Variants in NAPEPLD observed in about 807,000 individuals in gnomAD.
The protein encoded by NAPEPLD is N-acyl-phosphatidylethanolamine-hydrolyzing phospholipase D.
A neutral mutation model predicts 38.1 loss-of-function variants in NAPEPLD; 23 were observed. The ratio of observed to expected loss-of-function variants is 0.60; its 90% CI spans 0.43 to 0.86. NAPEPLD has a LOEUF of 0.86. Ranked by LOEUF, NAPEPLD falls within the 40% of genes least tolerant of loss-of-function variation. NAPEPLD has a pLI of 0.00. For missense variants in NAPEPLD, 411 were observed against 476.8 expected (o/e 0.86, Z 1.28); for synonymous variants, 147 against 162.0 (o/e 0.91, Z 0.71).
intron 4 of NAPEPLD, among the ~76,000 whole-genome samples, chr7:103,106,611 TCA>T (rs1803415713): frequency 6.6e-6 from 1 of 151,836 alleles, no homozygotes; most frequent in East Asian, 1.9e-4. Flanking sequence ...AGTTTTCCCC[TCA>T]CAGTGTAAAC....
At chr7:103,140,481 C>T (rs948017400) in intron 1 of NAPEPLD, among the ~76,000 whole-genome samples, 1 of 150,382 alleles carries the variant, frequency 6.6e-6, no homozygotes, top group African/African-American at 2.5e-5. Flanking sequence ...CAAGCTCCGC[C>T]TCCCGGGTTC....
intron 1 of NAPEPLD, among the ~76,000 whole-genome samples, chr7:103,144,996 G>C (rs1028268767): frequency 4.6e-5 from 7 of 151,588 alleles, no homozygotes; most frequent in African/African-American, 1.7e-4. Context: ...GGGCAACACA[G>C]CAAGACTCTT....
chr7:103,129,288 T>C, intron 1 of NAPEPLD: 3 of 983,086 alleles, frequency 3.1e-6, no homozygotes, highest in Non-Finnish European at 3.6e-6. Flanking sequence ...GCTTTACCTA[T>C]TAACATAACT....
At chr7:103,142,417 C>A (rs1482849535) in intron 1 of NAPEPLD, among the ~76,000 whole-genome samples, 1 of 151,916 alleles carries the variant, frequency 6.6e-6, no homozygotes, top group African/African-American at 2.4e-5. Flanking sequence ...ACCAGCCTGG[C>A]CAACATGGTG....
intron 4 of NAPEPLD, among the ~76,000 whole-genome samples, chr7:103,105,452 C>T (rs1382344948): frequency 6.6e-6 from 1 of 152,146 alleles, no homozygotes; most frequent in Non-Finnish European, 1.5e-5. Flanking sequence ...GCTTGAAACT[C>T]GTTTCCATCA....
intron 4 of NAPEPLD, among the ~76,000 whole-genome samples, chr7:103,112,924 CGGTTA>C (rs1563348970): frequency 6.6e-6 from 1 of 152,026 alleles, no homozygotes; most frequent in African/African-American, 2.4e-5. Context: ...ATAAAGATGG[CGGTTA>C]GGTTTATAAC....
At chr7:103,133,984 G>T (rs147562011) in intron 1 of NAPEPLD, among the ~76,000 whole-genome samples, 5 of 152,294 alleles carry the variant, frequency 3.3e-5, no homozygotes, top group African/African-American at 1.2e-4. Context: ...AAAATACCAT[G>T]AATTGTAAGG....
chr7:103,115,902 G>T (rs1805464542), intron 3 of NAPEPLD, among the ~76,000 whole-genome samples: 1 of 152,108 alleles, frequency 6.6e-6, no homozygotes, highest in Admixed American at 6.5e-5. Context: ...GTAACTTCTT[G>T]GTCATTGCCA....
chr7:103,132,465 A>G (rs1809141715), intron 1 of NAPEPLD, among the ~76,000 whole-genome samples: 1 of 152,102 alleles, frequency 6.6e-6, no homozygotes, highest in Non-Finnish European at 1.5e-5. Flanking sequence ...GAAGAGTCAG[A>G]AATGGCAGCA....
In NAPEPLD at chr7:103,115,191, A is replaced by G. The variant is rs775992761; in HGVS notation, c.942-17T>C. On this transcript the variant is annotated splice_polypyrimidine_tract_variant and intron_variant, in intron 3 of 4. Transcript: ENST00000465647. ...ATAAACCACCTGAAGAAACATGGCAATTTCTTAATTCTGACCTTTGAGATA... is the reference window on the plus strand; with the variant it reads ...ATAAACCACCTGAAGAAACATGGCAGTTTCTTAATTCTGACCTTTGAGATA... The G allele has an allele frequency of 6.4e-7, 1 of 1,571,838 alleles. No individual in the cohort carries two copies. Among genetic ancestry groups the G allele is most frequent in the Non-Finnish European group, 8.7e-7 (1 of 1,145,910 alleles).
chr7:103,141,828 G>C lies in NAPEPLD; in HGVS notation c.-17+6983C>G, dbSNP rs537247159. ...TTGATCAGCTTCCGGATCTGCTGAC[G>C]GGAGTTGGCATTGGTGATTTCATTG... On this transcript the variant is annotated intron_variant, in intron 1 of 4. Coordinates refer to ENST00000465647, the MANE Select transcript of NAPEPLD (RefSeq NM_001122838.3). 3.9e-5 allele frequency: 37 copies of C among 942,724 alleles called. 1 individual carries two copies. The highest frequency in any genetic ancestry group is 1.0e-4 in the Admixed American group (6 of 59,030). 58.4% of individuals were successfully genotyped at this position (942,724 alleles called of 1,614,324 possible). A position where few individuals can be genotyped will look rare whatever the true frequency, so the allele number is the denominator to read the frequency against.
intron 1 of NAPEPLD, chr7:103,141,556 CT>C: frequency 1.6e-6 from 2 of 1,230,982 alleles, no homozygotes; most frequent in Non-Finnish European, 2.4e-6. Flanking sequence ...ACACATTCCT[CT>C]TCACCTTCAG....
intron 1 of NAPEPLD, among the ~76,000 whole-genome samples, chr7:103,146,706 G>C (rs1812632335): frequency 6.6e-6 from 1 of 152,150 alleles, no homozygotes; most frequent in African/African-American, 2.4e-5. Context: ...GGTGCAATCT[G>C]TGAGTGTGTT....
intron 3 of NAPEPLD, among the ~76,000 whole-genome samples, chr7:103,115,885 T>C (rs1484857461): frequency 6.6e-6 from 1 of 152,078 alleles, no homozygotes; most frequent in Non-Finnish European, 1.5e-5. Context: ...TTTCTAGGAA[T>C]GGGGTGGTAA....
chr7:103,105,295 G>T (rs1032296356), intron 4 of NAPEPLD, among the ~76,000 whole-genome samples: 1 of 152,086 alleles, frequency 6.6e-6, no homozygotes, highest in South Asian at 2.1e-4. Context: ...AGAAGACTCC[G>T]AGCATTCTGG....
At chr7:103,109,302 A>G (rs1042522016) in intron 4 of NAPEPLD, among the ~76,000 whole-genome samples, 6 of 152,228 alleles carry the variant, frequency 3.9e-5, no homozygotes, top group Non-Finnish European at 7.3e-5. Flanking sequence ...TCTCAGAAAC[A>G]CATCGCACTT....
intron 2 of NAPEPLD, among the ~76,000 whole-genome samples, chr7:103,121,224 G>A (rs894247949): frequency 3.3e-5 from 5 of 152,150 alleles, no homozygotes; most frequent in African/African-American, 9.7e-5. Context: ...ATAACAAAGC[G>A]TGAAGAGTAT....
chr7:103,122,633 C>T (rs963575257), intron 2 of NAPEPLD, among the ~76,000 whole-genome samples: 1 of 152,140 alleles, frequency 6.6e-6, no homozygotes, highest in South Asian at 2.1e-4. Flanking sequence ...TGCTTCATTC[C>T]TGTGAGGATA....
intron 3 of NAPEPLD, among the ~76,000 whole-genome samples, chr7:103,115,946 T>C (rs1205185197): frequency 6.6e-6 from 1 of 152,204 alleles, no homozygotes; most frequent in East Asian, 1.9e-4. Context: ...GTTGTTGCCA[T>C]GGCCATTTAT....
Sources: gnomAD v4.1 joint callset for allele counts (sites outside exome capture counted in the v4.1 genomes callset) on GRCh38, gnomAD v4.1.1 for gene constraint, MANE v1.5 for transcripts, NCBI Gene and HGNC (gene_info 2026-07-23, HGNC 2026-07-21) for gene names.